Variants in GMDS observed in about 807,000 individuals in gnomAD.
The protein encoded by GMDS is GDP-mannose 4,6-dehydratase.
GMDS carries 20 observed loss-of-function variants against 49.9 expected under a neutral mutation model. That is an observed-to-expected ratio of 0.40 (90% CI 0.28 to 0.58). GMDS has a LOEUF of 0.58. Among genes scored for constraint, GMDS ranks in the 20% least tolerant of loss-of-function variants. GMDS has a pLI of 0.42. For synonymous variants in GMDS, 177 were observed against 178.6 expected, an observed-to-expected ratio of 0.99 and a Z score of 0.07; for missense variants, 362 against 481.4, an observed-to-expected ratio of 0.75 and a Z score of 2.32.
At chr6:2,222,512 G>A (rs1433786961) in intron 1 of GMDS, among the ~76,000 whole-genome samples, 1 of 152,192 alleles carries the variant, frequency 6.6e-6, no homozygotes, top group East Asian at 1.9e-4. Flanking sequence ...AACAATAGAA[G>A]CTTGGTCCTT....
chr6:1,677,373 T>C (rs528012675), intron 9 of GMDS, among the ~76,000 whole-genome samples: 20 of 152,338 alleles, frequency 1.3e-4, no homozygotes, highest in Middle Eastern at 3.4e-3. Context: ...TCAACCATTG[T>C]GGAAGACAGT....
chr6:2,016,981 C>T (rs1767941544), intron 4 of GMDS, among the ~76,000 whole-genome samples: 1 of 151,664 alleles, frequency 6.6e-6, no homozygotes, highest in African/African-American at 2.4e-5. Flanking sequence ...ATCTAAATTT[C>T]ATCTTGAGAA....
chr6:1,810,511 G>A (rs902389431), intron 7 of GMDS, among the ~76,000 whole-genome samples: 5 of 152,072 alleles, frequency 3.3e-5, no homozygotes, highest in African/African-American at 1.2e-4. Context: ...TCGAACTCTT[G>A]ACCTCAGGTG....
At chr6:2,234,271 G>A (rs143159814) in intron 1 of GMDS, among the ~76,000 whole-genome samples, 1 of 152,118 alleles carries the variant, frequency 6.6e-6, no homozygotes, top group Non-Finnish European at 1.5e-5. Flanking sequence ...CATTCCTTGT[G>A]TACAAAAAGC....
At chr6:1,892,974 T>C (rs992612329) in intron 7 of GMDS, among the ~76,000 whole-genome samples, 1 of 152,044 alleles carries the variant, frequency 6.6e-6, no homozygotes, top group Non-Finnish European at 1.5e-5. Flanking sequence ...ACTAGCTCCT[T>C]GTTTATATCA....
intron 4 of GMDS, among the ~76,000 whole-genome samples, chr6:1,980,696 G>A (rs993037160): frequency 3.3e-5 from 5 of 152,154 alleles, no homozygotes; most frequent in African/African-American, 4.8e-5. Flanking sequence ...TCTGGATCAA[G>A]AGGATCTGAT....
chr6:1,731,458 A>G (rs1013064), intron 8 of GMDS, among the ~76,000 whole-genome samples: 126,409 of 152,214 alleles, frequency 0.83, 53,021 homozygotes, highest in East Asian at 1. Context: ...AAGGTCTGAA[A>G]CACTTTCTAG....
At chr6:1,746,067 G>A (rs1767483588) in intron 7 of GMDS, among the ~76,000 whole-genome samples, 1 of 152,178 alleles carries the variant, frequency 6.6e-6, no homozygotes, top group Non-Finnish European at 1.5e-5. Context: ...TGGCACAACT[G>A]AGGCAAAAGT....
intron 9 of GMDS, among the ~76,000 whole-genome samples, chr6:1,700,084 C>A (rs927641635): frequency 2.0e-5 from 3 of 152,166 alleles, no homozygotes; most frequent in African/African-American, 7.2e-5. Flanking sequence ...GCACCGACAC[C>A]AAAGTGTATG....
At chr6:2,210,587 C>G (rs1043826858) in intron 1 of GMDS, among the ~76,000 whole-genome samples, 2 of 152,276 alleles carry the variant, frequency 1.3e-5, no homozygotes, top group Middle Eastern at 3.4e-3. Flanking sequence ...GGTCTGCTTA[C>G]TCCCAAGGTG....
chr6:2,217,334 A>G (rs184870206), intron 1 of GMDS, among the ~76,000 whole-genome samples: 127 of 152,298 alleles, frequency 8.3e-4, no homozygotes, highest in African/African-American at 3.0e-3. Context: ...GTTTGCCTGT[A>G]ATAGAGAGCT....
intron 7 of GMDS, among the ~76,000 whole-genome samples, chr6:1,816,483 A>T (rs1254346152): frequency 6.6e-6 from 1 of 152,132 alleles, no homozygotes; most frequent in East Asian, 1.9e-4. Context: ...CATTAATTCG[A>T]TTTATTCATA....
At chr6:1,967,942 T>C (rs756948601) in intron 4 of GMDS, among the ~76,000 whole-genome samples, 1 of 152,196 alleles carries the variant, frequency 6.6e-6, no homozygotes, top group Admixed American at 6.5e-5. Flanking sequence ...CAGATATAGA[T>C]GCTGAAAGTT....
intron 4 of GMDS, among the ~76,000 whole-genome samples, chr6:2,001,154 G>A (rs1766794859): frequency 1.3e-5 from 2 of 152,152 alleles, no homozygotes; most frequent in Admixed American, 1.3e-4. Context: ...ACCAACACCT[G>A]TTATGATCTG....
chr6:1,960,055 G>A (rs1319189319), intron 5 of GMDS, 84 bp from the exon 6 acceptor site: 24 of 739,764 alleles, frequency 3.2e-5, no homozygotes, highest in African/African-American at 2.0e-4. Flanking sequence ...CATCTTGGCC[G>A]AAATAATAAC....
intron 4 of GMDS, among the ~76,000 whole-genome samples, chr6:2,060,668 A>G (rs902643584): frequency 4.6e-5 from 7 of 152,194 alleles, no homozygotes; most frequent in African/African-American, 1.7e-4. Flanking sequence ...AAGCAGAGAA[A>G]AGGATGAGGT....
rs557980522 is a variant in GMDS at position 1,999,914 on chromosome 6, T to A, written c.346-38948A>T. 8.2e-4 allele frequency among the ~76,000 whole-genome samples: 79 copies of A among 96,488 alleles called. 2 individuals carry two copies. Among genetic ancestry groups the A allele is most frequent in the African/African-American group, 1.6e-3 (42 of 26,756 alleles). The allele number at this position is 96,488 out of a possible 152,430, so 63.3% of individuals were successfully genotyped here. A position where few individuals can be genotyped will look rare whatever the true frequency, so the allele number is the denominator to read the frequency against. The stretch of plus-strand genomic sequence containing the variant: ...ATAACGATATATATAATATATATAT[T>A]ATATACATATTATATATTATTATAT... On this transcript the variant is annotated intron_variant, in intron 4 of 10. Coordinates refer to ENST00000380815, the MANE Select transcript of GMDS (RefSeq NM_001500.4).
At chr6:1,905,461 G>A (rs559232477) in intron 7 of GMDS, among the ~76,000 whole-genome samples, 21 of 146,994 alleles carry the variant, frequency 1.4e-4, no homozygotes, top group South Asian at 8.7e-4. Flanking sequence ...GGGTGCTGGC[G>A]TGTAGGTGGG....
intron 7 of GMDS, among the ~76,000 whole-genome samples, chr6:1,756,394 G>C (rs1159910128): frequency 1.3e-5 from 2 of 152,080 alleles, no homozygotes; most frequent in Non-Finnish European, 2.9e-5. Flanking sequence ...CTCCTGAGTA[G>C]CTGGAATTAC....
Sources: gnomAD v4.1 joint callset for allele counts (sites outside exome capture counted in the v4.1 genomes callset) on GRCh38, gnomAD v4.1.1 for gene constraint, MANE v1.5 for transcripts, NCBI Gene and HGNC (gene_info 2026-07-23, HGNC 2026-07-21) for gene names.